Variants in NIPAL3 observed in about 807,000 individuals in gnomAD.
The protein encoded by NIPAL3 is NIPA like domain containing 3.
In NIPAL3, 41 loss-of-function variants were observed where a neutral mutation model predicts 47.2. The ratio of observed to expected loss-of-function variants is 0.87; its 90% CI spans 0.68 to 1.13. The LOEUF (loss-of-function observed/expected upper bound fraction) is 1.13. NIPAL3 is among the 50% of genes most tolerant of loss of function. The pLI, the probability that NIPAL3 is intolerant of heterozygous loss-of-function variation, is 0.00. For synonymous variants in NIPAL3, 194 were observed against 209.6 expected (o/e 0.93, Z 0.64); for missense variants, 449 against 530.1 (o/e 0.85, Z 1.50).
chr1:24,426,608 T>C (rs1439021095), intron 2 of NIPAL3, among the ~76,000 whole-genome samples: 1 of 152,286 alleles, frequency 6.6e-6, no homozygotes, highest in South Asian at 2.1e-4. Flanking sequence ...GGAGGCCTCA[T>C]ACTTCCTCAC....
intron 10 of NIPAL3, among the ~76,000 whole-genome samples, chr1:24,460,791 C>T (rs914147568): frequency 5.9e-5 from 9 of 152,182 alleles, no homozygotes; most frequent in African/African-American, 1.9e-4. Context: ...AAAAGTCTCT[C>T]AACCTCACCT....
chr1:24,436,081 C>G (rs904697432), intron 2 of NIPAL3, among the ~76,000 whole-genome samples: 1 of 152,110 alleles, frequency 6.6e-6, no homozygotes, highest in East Asian at 1.9e-4. Context: ...ATGACCTAGT[C>G]ACTTCCCAAA....
intron 2 of NIPAL3, 105 bp downstream of exon 2, chr1:24,419,745 C>T: frequency 1.0e-6 from 1 of 968,250 alleles, no homozygotes; most frequent in Non-Finnish European, 1.6e-6. Flanking sequence ...ATGCCTGTCA[C>T]TGGTAGAAAC....
At chr1:24,420,112 A>G (rs1204882830) in intron 2 of NIPAL3, 2 of 152,838 alleles carry the variant, frequency 1.3e-5, no homozygotes, top group Non-Finnish European at 2.9e-5. Context: ...AGAGATGCTC[A>G]TTAAAATACA....
chr1:24,459,645 G>A (rs916975486), intron 9 of NIPAL3, among the ~76,000 whole-genome samples: 3 of 152,238 alleles, frequency 2.0e-5, no homozygotes, highest in Non-Finnish European at 4.4e-5. Context: ...CTTAAGACAA[G>A]TGGTGCCGCA....
intron 2 of NIPAL3, among the ~76,000 whole-genome samples, chr1:24,428,254 A>AGAG (rs1644694394): frequency 5.5e-5 from 3 of 54,134 alleles, no homozygotes; most frequent in Non-Finnish European, 8.3e-5. Flanking sequence ...CTGTCTCAAA[A>AGAG]AGAAAGAGAG....
chr1:24,456,865 C>T (rs551026330), intron 8 of NIPAL3, among the ~76,000 whole-genome samples: 44 of 152,186 alleles, frequency 2.9e-4, no homozygotes, highest in Admixed American at 5.2e-4. Flanking sequence ...GGGGTTCAAG[C>T]GATTCTCCTG....
rs530542304 is a variant in NIPAL3 at position 24,449,464 on chromosome 1, G to C, written c.395-17G>C. On this transcript the variant is annotated splice_polypyrimidine_tract_variant and intron_variant, in intron 5 of 11. Transcript: ENST00000374399. This position sits in a 1 kb window ranked among gnomAD's most constrained non-coding sequence, Gnocchi z 4.5. ...CTGTTGTTGCAATGAGTCCGTGACAGCCTCTCTTCCCCGCAGGGCGCTACG... is the reference window on the plus strand; with the variant it reads ...CTGTTGTTGCAATGAGTCCGTGACACCCTCTCTTCCCCGCAGGGCGCTACG... 4 of 1,612,390 alleles carry C rather than the reference G, an allele frequency of 2.5e-6. No homozygotes were observed. Among genetic ancestry groups the C allele is most frequent in the African/African-American group, 2.7e-5 (2 of 74,986 alleles).
chr1:24,447,221 C>A (rs535541503), intron 5 of NIPAL3, among the ~76,000 whole-genome samples: 2 of 152,260 alleles, frequency 1.3e-5, no homozygotes, highest in African/African-American at 4.8e-5. Flanking sequence ...TATAGAGCTT[C>A]CCAGGGTGAA....
At chr1:24,468,726 G>A (rs895315231) in intron 11 of NIPAL3, among the ~76,000 whole-genome samples, 6 of 152,148 alleles carry the variant, frequency 3.9e-5, no homozygotes, top group Admixed American at 2.0e-4. Flanking sequence ...CCTCACTTTA[G>A]GCCAACTGAG....
intron 4 of NIPAL3, among the ~76,000 whole-genome samples, chr1:24,444,537 G>A (rs1470510931): frequency 2.0e-5 from 3 of 152,302 alleles, no homozygotes; most frequent in East Asian, 1.9e-4. Flanking sequence ...ATCTAACACC[G>A]TATTTCATAG....
intron 2 of NIPAL3, among the ~76,000 whole-genome samples, chr1:24,434,478 T>A (rs1486835098): frequency 6.6e-6 from 1 of 152,112 alleles, no homozygotes; most frequent in Non-Finnish European, 1.5e-5. Flanking sequence ...AAATACACGA[T>A]AATAGCCAAA....
At chr1:24,433,530 G>A (rs1046203169) in intron 2 of NIPAL3, among the ~76,000 whole-genome samples, 1 of 152,202 alleles carries the variant, frequency 6.6e-6, no homozygotes, top group African/African-American at 2.4e-5. Context: ...ATTAAGCCAA[G>A]TAGTTCAGGT....
rs78361994 is a variant in NIPAL3, at chr1:24,422,808, G to A, written c.93+3168G>A. Among the ~76,000 whole-genome samples the A allele has an allele frequency of 1.2e-3, 177 of 152,322 alleles. 1 individual carries two copies. Among genetic ancestry groups the A allele is most frequent in the African/African-American group, 3.8e-3 (159 of 41,560 alleles). ...TGTTCGCATCCTTGGAGGTGTCCAC[G>A]TGCTTCACAGAGCATTATTCAAAAT... On this transcript the variant is annotated intron_variant, in intron 2 of 11. Coordinates refer to ENST00000374399, the MANE Select transcript of NIPAL3 (RefSeq NM_020448.5).
rs368289521 is a variant in NIPAL3 at position 24,469,203 on chromosome 1, T to G, written c.*18T>G. The G allele has an allele frequency of 6.8e-6, 11 of 1,606,704 alleles. No individual in the cohort carries two copies. In the African/African-American group the frequency reaches 1.3e-4, roughly 20 times the overall value. The stretch of plus-strand genomic sequence containing the variant: ...AGGAATGAGACTCGCCTCCCTCTAT[T>G]TATAACTGTCCCCTCCAGGCTGACA... On this transcript the variant is annotated 3_prime_UTR_variant, in exon 12 of 12. Transcript: ENST00000374399.
intron 9 of NIPAL3, among the ~76,000 whole-genome samples, chr1:24,459,236 A>G (rs1646360894): frequency 6.6e-6 from 1 of 152,208 alleles, no homozygotes. Context: ...CTTAGCTCCT[A>G]GAATTGTAAT....
upstream of NIPAL3, chr1:24,414,275 A>C (rs1201948357): frequency 6.6e-6 from 1 of 151,220 alleles, no homozygotes; most frequent in Non-Finnish European, 1.5e-5. Flanking sequence ...CGAACTCCTG[A>C]CCTCAGGTGA....
rs1208050504 is a variant in NIPAL3 at position 24,454,490 on chromosome 1, C to T, written c.637+986C>T. The T allele has an allele frequency of 1.7e-5, 17 of 991,422 alleles. No homozygotes were observed. In the South Asian group the frequency reaches 4.1e-4, roughly 24 times the overall value. The allele number at this position is 991,422 out of a possible 1,614,324, so 61.4% of individuals were successfully genotyped here. ...ACCTTCCTACTGTGTGCCCTACCACCGCCACAAGCCATCAACCAAATAGAT... is the reference window on the plus strand; with the variant it reads ...ACCTTCCTACTGTGTGCCCTACCACTGCCACAAGCCATCAACCAAATAGAT... On this transcript the variant is annotated intron_variant, in intron 7 of 11. Coordinates refer to ENST00000374399, the MANE Select transcript of NIPAL3 (RefSeq NM_020448.5). The surrounding 1 kb of genome is among the most constrained non-coding windows in gnomAD (Gnocchi z 4.1).
intron 2 of NIPAL3, among the ~76,000 whole-genome samples, chr1:24,427,588 C>T (rs542110247): frequency 5.9e-5 from 9 of 152,120 alleles, no homozygotes; most frequent in African/African-American, 1.9e-4. Flanking sequence ...TTGATTGTGC[C>T]ACCTTTGAAG....
Sources: gnomAD v4.1 joint callset for allele counts (sites outside exome capture counted in the v4.1 genomes callset) on GRCh38, gnomAD v4.1.1 for gene constraint, Gnocchi (gnomAD v3.1) non-coding constraint, MANE v1.5 for transcripts, NCBI Gene and HGNC (gene_info 2026-07-23, HGNC 2026-07-21) for gene names.